KCNN2: variants seen among roughly 807,000 people sequenced by gnomAD.
KCNN2 encodes potassium calcium-activated channel subfamily N member 2, also known as small conductance calcium-activated potassium channel protein 2.
Under a neutral mutation model 55.5 loss-of-function variants are expected in KCNN2, and 24 were observed. That is an observed-to-expected ratio of 0.43 (90% CI 0.31 to 0.61). KCNN2 has a LOEUF of 0.61. KCNN2 is among the 20% of genes least tolerant of loss of function. The probability of loss-of-function intolerance (pLI) is 0.08; values close to 1 mark genes in which losing one functional copy is unlikely to be tolerated. For missense variants in KCNN2, 754 were observed against 853.6 expected (o/e 0.88, Z 1.45); for synonymous variants, 431 against 336.1 (o/e 1.28, Z -3.09).
intron 3 of KCNN2, among the ~76,000 whole-genome samples, chr5:114,411,181 A>C (rs1163489835): frequency 6.6e-6 from 1 of 152,122 alleles, no homozygotes; most frequent in Non-Finnish European, 1.5e-5. Flanking sequence ...CATTAGAATA[A>C]TCCAGGTAGA....
intron 2 of KCNN2, among the ~76,000 whole-genome samples, chr5:114,242,914 TGGGA>T (rs1754673113): frequency 6.6e-6 from 1 of 152,176 alleles, no homozygotes; most frequent in Non-Finnish European, 1.5e-5. Context: ...ATGCCTTGTT[TGGGA>T]CTCATTCATT....
Position 114,319,583 on chromosome 5 carries a change from A to G in KCNN2, c.-184-41362A>G, listed in dbSNP as rs536018047. On this transcript the variant is annotated intron_variant, in intron 2 of 10. Coordinates refer to the KCNN2 transcript ENST00000512097. ...GTTGCTACTAGAAAATCATTGTTTT[A>G]TATGTAAATCTCTACTCCTTTGCCA... Among the ~76,000 whole-genome samples the G allele has an allele frequency of 5.3e-5, 8 of 152,286 alleles. No homozygotes were observed. The South Asian group carries it at 1.7e-3, about 32-fold the overall frequency.
At chr5:114,198,336 A>G (rs1753599930) in intron 1 of KCNN2, among the ~76,000 whole-genome samples, 1 of 150,158 alleles carries the variant, frequency 6.7e-6, no homozygotes, top group Non-Finnish European at 1.5e-5. Flanking sequence ...ATATATATAT[A>G]TATATACGTG....
intron 1 of KCNN2, among the ~76,000 whole-genome samples, chr5:114,074,827 C>CT (rs1476056202): frequency 6.6e-6 from 1 of 152,200 alleles, no homozygotes; most frequent in Non-Finnish European, 1.5e-5. Flanking sequence ...CCCTTTAAAC[C>CT]TTCTTCAGAG....
chr5:114,480,439 G>C (rs1762174990), intron 5 of KCNN2, among the ~76,000 whole-genome samples: 1 of 152,140 alleles, frequency 6.6e-6, no homozygotes, highest in African/African-American at 2.4e-5. Context: ...ACGAAGAAGA[G>C]CTGGTGCCAT....
chr5:114,328,469 A>G (rs996685534), intron 2 of KCNN2, among the ~76,000 whole-genome samples: 7 of 152,130 alleles, frequency 4.6e-5, no homozygotes, highest in African/African-American at 1.7e-4. Context: ...TGCTTTGCTA[A>G]ATGTGCAGGA....
intron 1 of KCNN2, among the ~76,000 whole-genome samples, chr5:114,169,338 T>C (rs773869463): frequency 6.6e-6 from 1 of 152,058 alleles, no homozygotes; most frequent in Admixed American, 6.6e-5. Flanking sequence ...CCAAAGGCTA[T>C]TGGAGGGAAG....
chr5:114,141,327 T>C (rs1174770423), intron 1 of KCNN2, among the ~76,000 whole-genome samples: 1 of 152,050 alleles, frequency 6.6e-6, no homozygotes, highest in African/African-American at 2.4e-5. Flanking sequence ...CCCCTTCCTG[T>C]GTCCATGTGT....
intron 4 of KCNN2, among the ~76,000 whole-genome samples, chr5:114,469,674 A>G (rs986740332): frequency 6.6e-6 from 1 of 152,204 alleles, no homozygotes; most frequent in African/African-American, 2.4e-5. Flanking sequence ...ATGAAACGGA[A>G]TCGTCCTGGA....
chr5:114,090,423 A>G (rs1044507206), intron 1 of KCNN2, among the ~76,000 whole-genome samples: 4 of 152,102 alleles, frequency 2.6e-5, no homozygotes, highest in Non-Finnish European at 5.9e-5. Flanking sequence ...AGACATAAAT[A>G]ATCATCTTAA....
chr5:114,307,158 A>AT (rs760421374), intron 2 of KCNN2, among the ~76,000 whole-genome samples: 1 of 152,152 alleles, frequency 6.6e-6, no homozygotes, highest in Non-Finnish European at 1.5e-5. Flanking sequence ...GATAATAAGA[A>AT]TATTTATTTA....
intron 1 of KCNN2, among the ~76,000 whole-genome samples, chr5:114,210,966 C>G (rs113453059): frequency 0.015 from 2,270 of 152,076 alleles, 56 homozygotes; most frequent in African/African-American, 0.051. Flanking sequence ...ATAAAAAAAG[C>G]TCAATATCAC....
intron 1 of KCNN2, among the ~76,000 whole-genome samples, chr5:114,112,316 T>A (rs1265963975): frequency 1.3e-5 from 2 of 151,446 alleles, no homozygotes; most frequent in East Asian, 3.9e-4. Context: ...CATCACAGAC[T>A]GGGGCCTGTT....
In KCNN2 at chr5:114,289,369, CTT is replaced by C. The variant is rs80026839; in HGVS notation, c.-185+67821_-185+67822del. ...AGTTCCATATGAATTTTAGAATCAACTTTTTTTTTTTTTTTTTTGAGACAGAG... is the reference window on the plus strand; with the variant it reads ...AGTTCCATATGAATTTTAGAATCAACTTTTTTTTTTTTTTTTGAGACAGAG... On this transcript the variant is annotated intron_variant, in intron 2 of 10. Coordinates refer to the KCNN2 transcript ENST00000512097. Among the ~76,000 whole-genome samples, 146 of 132,032 alleles carry C rather than the reference CTT, an allele frequency of 1.1e-3. 2 individuals carry two copies. In the South Asian group the frequency reaches 0.012, roughly 11 times the overall value. The allele number at this position is 132,032 out of a possible 152,430, so 86.6% of individuals were successfully genotyped here. A position where few individuals can be genotyped will look rare whatever the true frequency, so the allele number is the denominator to read the frequency against.
At chr5:114,152,515 T>C (rs1752548836) in intron 1 of KCNN2, among the ~76,000 whole-genome samples, 1 of 152,176 alleles carries the variant, frequency 6.6e-6, no homozygotes, top group African/African-American at 2.4e-5. Context: ...TGAAGGGTGT[T>C]TTATTTGACT....
At chr5:114,338,017 G>T (rs959321990) in intron 2 of KCNN2, among the ~76,000 whole-genome samples, 3 of 152,150 alleles carry the variant, frequency 2.0e-5, no homozygotes, top group Non-Finnish European at 4.4e-5. Flanking sequence ...TTTGTCAAAA[G>T]CTTTAAAGTC....
At chr5:114,129,119 C>A (rs964778071) in intron 1 of KCNN2, among the ~76,000 whole-genome samples, 3 of 152,082 alleles carry the variant, frequency 2.0e-5, no homozygotes, top group Non-Finnish European at 2.9e-5. Context: ...ATAATGGAGT[C>A]AGAAGGATAG....
At chr5:114,374,728 A>C (rs1490124839) in intron 2 of KCNN2, among the ~76,000 whole-genome samples, 1 of 152,138 alleles carries the variant, frequency 6.6e-6, no homozygotes, top group East Asian at 1.9e-4. Context: ...TGCTTTTCGA[A>C]TTTATAGGAC....
At chr5:114,082,221 G>GGCT (rs1750841657) in intron 1 of KCNN2, among the ~76,000 whole-genome samples, 1 of 151,892 alleles carries the variant, frequency 6.6e-6, no homozygotes, top group African/African-American at 2.4e-5. Flanking sequence ...GCTACTCAGA[G>GGCT]GCTGAAATTG....
Sources: allele counts gnomAD v4.1 joint callset (sites outside exome capture counted in the v4.1 genomes callset), GRCh38; gene constraint gnomAD v4.1.1; transcripts MANE v1.5; gene names NCBI Gene and HGNC (gene_info 2026-07-23, HGNC 2026-07-21).